SCFD1: variants seen among roughly 807,000 people sequenced by gnomAD.
The protein encoded by SCFD1 is sec1 family domain-containing protein 1.
Under a neutral mutation model 103.2 loss-of-function variants are expected in SCFD1, and 37 were observed. The ratio of observed to expected loss-of-function variants is 0.36; its 90% CI spans 0.28 to 0.47. The LOEUF is 0.47. SCFD1 is among the 20% of genes least tolerant of loss of function. The probability of loss-of-function intolerance (pLI) is 1.00; values close to 1 mark genes in which losing one functional copy is unlikely to be tolerated. For synonymous variants in SCFD1, 264 were observed against 245.0 expected (o/e 1.08, Z -0.73); for missense variants, 639 against 761.2 (o/e 0.84, Z 1.89).
At chr14:30,724,322 G>T (rs1037759709) in intron 23 of SCFD1, among the ~76,000 whole-genome samples, 4 of 137,438 alleles carry the variant, frequency 2.9e-5, no homozygotes, top group African/African-American at 5.6e-5. Context: ...GTGCCATCTC[G>T]GCTCACAGCG....
intron 3 of SCFD1, among the ~76,000 whole-genome samples, chr14:30,632,467 T>C (rs1884279044): frequency 6.6e-6 from 1 of 152,230 alleles, no homozygotes; most frequent in South Asian, 2.1e-4. Flanking sequence ...AATTATGTTT[T>C]AAAATTGTTA....
chr14:30,649,442 T>C (rs1403437372), intron 7 of SCFD1, 86 bp from the exon 8 acceptor site: 8 of 781,812 alleles, frequency 1.0e-5, no homozygotes, highest in Non-Finnish European at 1.5e-5. Context: ...ATCTATCACA[T>C]CTGTTATTTT....
chr14:30,690,576 A>C (rs904159577), intron 14 of SCFD1, among the ~76,000 whole-genome samples: 2 of 137,868 alleles, frequency 1.5e-5, no homozygotes, highest in Non-Finnish European at 3.0e-5. Context: ...CCGATTTTCC[A>C]GGTGCGTCCG....
At chr14:30,671,366 C>G (rs1387444694) in intron 11 of SCFD1, among the ~76,000 whole-genome samples, 1 of 151,604 alleles carries the variant, frequency 6.6e-6, no homozygotes, top group East Asian at 1.9e-4. Context: ...AATACTCTTC[C>G]CTTTGGAATT....
At chr14:30,692,405 A>T (rs1890379720) in intron 14 of SCFD1, among the ~76,000 whole-genome samples, 1 of 152,132 alleles carries the variant, frequency 6.6e-6, no homozygotes, top group Admixed American at 6.5e-5. Flanking sequence ...CAGATAAGGG[A>T]GTAATGAGTT....
intron 10 of SCFD1, among the ~76,000 whole-genome samples, chr14:30,663,312 T>G (rs1243197962): frequency 6.6e-6 from 1 of 151,932 alleles, no homozygotes; most frequent in Non-Finnish European, 1.5e-5. Context: ...TTAATAAAAC[T>G]TAACTGTTTA....
At chr14:30,714,912 G>GACTT (rs1237669545) in intron 19 of SCFD1, among the ~76,000 whole-genome samples, 1 of 152,136 alleles carries the variant, frequency 6.6e-6, no homozygotes, top group East Asian at 1.9e-4. Context: ...TTCTAAATTT[G>GACTT]ACTTATGTTC....
chr14:30,646,786 T>G (rs1885876060), intron 7 of SCFD1, among the ~76,000 whole-genome samples: 1 of 152,214 alleles, frequency 6.6e-6, no homozygotes, highest in African/African-American at 2.4e-5. Context: ...TATTACTGAT[T>G]CAGTTTTGGA....
intron 14 of SCFD1, among the ~76,000 whole-genome samples, chr14:30,679,182 A>G (rs572569326): frequency 8.5e-5 from 13 of 152,146 alleles, no homozygotes; most frequent in Middle Eastern, 3.4e-3. Flanking sequence ...ATGTCATAAC[A>G]ATTTCCTTAT....
chr14:30,665,778 G>A (rs1329993641), intron 10 of SCFD1, among the ~76,000 whole-genome samples: 1 of 152,036 alleles, frequency 6.6e-6, no homozygotes, highest in Non-Finnish European at 1.5e-5. Context: ...AACCAACAAA[G>A]ATCAAAAGAG....
Position 30,708,935 on chromosome 14 carries a change from ATTTG to A in SCFD1, c.1629+874_1629+877del, listed in dbSNP as rs150826033. Among the ~76,000 whole-genome samples, 370 of 152,232 alleles carry A rather than the reference ATTTG, an allele frequency of 2.4e-3. 7 individuals carry two copies. In the East Asian group the frequency reaches 0.047, roughly 19 times the overall value. On this transcript the variant is annotated intron_variant, in intron 19 of 24. Transcript: ENST00000458591. ...TATTAATTTGGTATCTTTTCAAAAGATTTGTTTTTTACTTTTAATTTTGGAAATT... is the reference window on the plus strand; with the variant it reads ...TATTAATTTGGTATCTTTTCAAAAGATTTTTTACTTTTAATTTTGGAAATT...
At chr14:30,653,407 A>C in intron 9 of SCFD1, 82 bp from the exon 10 acceptor site, 1 of 840,400 alleles carries the variant, frequency 1.2e-6, no homozygotes, top group East Asian at 2.5e-5. Flanking sequence ...TCAAAATGGC[A>C]TATACTGGAA....
chr14:30,634,275 C>G (rs888757424), intron 4 of SCFD1, among the ~76,000 whole-genome samples: 10 of 152,062 alleles, frequency 6.6e-5, no homozygotes, highest in Non-Finnish European at 1.5e-4. Flanking sequence ...TTTCAGTTAT[C>G]CACAGTTAAC....
rs372108922 is a variant in SCFD1 at position 30,721,866 on chromosome 14, G to A, written c.1737-18G>A. On this transcript the variant is annotated intron_variant, in intron 21 of 24. Transcript: ENST00000458591. Reference sequence around the variant, plus strand: ...AAGCCATGGGTGAAATTTTCATTACGGTTTTTCTTTATTACAGCTCAGTTC... The same window carrying A: ...AAGCCATGGGTGAAATTTTCATTACAGTTTTTCTTTATTACAGCTCAGTTC... The A allele has an allele frequency of 1.3e-4, 208 of 1,601,398 alleles. No individual in the cohort carries two copies. The highest frequency in any genetic ancestry group is 1.6e-4 in the Non-Finnish European group (187 of 1,170,758).
chr14:30,625,464 G>A (rs1883293519), intron 1 of SCFD1, among the ~76,000 whole-genome samples: 1 of 152,094 alleles, frequency 6.6e-6, no homozygotes, highest in Non-Finnish European at 1.5e-5. Flanking sequence ...AGTATATTTA[G>A]AGCCAATAAG....
At chr14:30,629,959 G>C (rs1883931486) in intron 2 of SCFD1, among the ~76,000 whole-genome samples, 1 of 151,874 alleles carries the variant, frequency 6.6e-6, no homozygotes, top group Admixed American at 6.6e-5. Context: ...CCTGGAACTT[G>C]TTATATATTA....
chr14:30,676,230 T>A (rs1889024623), intron 14 of SCFD1: 1 of 152,188 alleles, frequency 6.6e-6, no homozygotes, highest in African/African-American at 2.4e-5. Context: ...TTTGAGAAAA[T>A]TTTGGTTAAT....
At chr14:30,702,473 A>G (rs1891148405) in intron 17 of SCFD1, 98 bp downstream of exon 17, 10 of 681,956 alleles carry the variant, frequency 1.5e-5, no homozygotes, top group East Asian at 2.8e-5. Flanking sequence ...AAACTGAACA[A>G]TGCCTTGGTG....
At chr14:30,703,307 A>G (rs1891203137) in intron 17 of SCFD1, among the ~76,000 whole-genome samples, 1 of 148,916 alleles carries the variant, frequency 6.7e-6, no homozygotes, top group Admixed American at 6.9e-5. Context: ...CAGGGAAAGC[A>G]TCTAGTAGGC....
Sources: gnomAD v4.1 joint callset for allele counts (sites outside exome capture counted in the v4.1 genomes callset) on GRCh38, gnomAD v4.1.1 for gene constraint, MANE v1.5 for transcripts, NCBI Gene and HGNC (gene_info 2026-07-23, HGNC 2026-07-21) for gene names.